Variants in TMEM63C observed in about 807,000 individuals in gnomAD.
The protein encoded by TMEM63C is transmembrane protein 63C.
In TMEM63C, 32 loss-of-function variants were observed where a neutral mutation model predicts 99.2. The ratio of observed to expected loss-of-function variants is 0.32; its 90% confidence interval spans 0.24 to 0.43. The LOEUF is 0.43. Ranked by LOEUF, TMEM63C falls within the 20% of genes least tolerant of loss-of-function variation. The probability of loss-of-function intolerance (pLI) is 1.00; values close to 1 mark genes in which losing one functional copy is unlikely to be tolerated. For synonymous variants in TMEM63C, 376 were observed against 397.9 expected, an observed-to-expected ratio of 0.94 and a Z score of 0.66; for missense variants, 826 against 1,053.0, an observed-to-expected ratio of 0.78 and a Z score of 2.98.
chr14:77,227,722 A>C (rs1468547386), intron 6 of TMEM63C, among the ~76,000 whole-genome samples: 1 of 152,142 alleles, frequency 6.6e-6, no homozygotes, highest in Non-Finnish European at 1.5e-5. Context: ...GCGACCCAGA[A>C]ACCTCTAGTG....
In TMEM63C at chr14:77,231,591, C is replaced by T. The variant is rs201147786; in HGVS notation, c.354C>T (p.Asp118=). 812 of 1,551,578 alleles carry T rather than the reference C, an allele frequency of 5.2e-4. 4 individuals carry two copies. In the African/African-American group the frequency reaches 8.1e-3, roughly 15 times the overall value. ...CTTGTCTGTGTGTCTCTTCCAGGGA[C>T]GAGGATCTGATTAACAAGTGTGGGG... ...SWFFNSITMK[D]EDLINKCGDD... Residue 118 remains aspartate, a synonymous_variant, in exon 7 of 24, where the codon GAC becomes GAT. Coordinates refer to ENST00000298351, the MANE Select transcript of TMEM63C (RefSeq NM_020431.4).
At chr14:77,246,807 G>T in intron 18 of TMEM63C, 133 bp downstream of exon 18, 1 of 671,302 alleles carries the variant, frequency 1.5e-6, no homozygotes, top group Admixed American at 2.6e-5. Context: ...CCCTCACTGG[G>T]CAGACTTGTT....
At chr14:77,255,815 C>T (rs553601618) in intron 23 of TMEM63C, among the ~76,000 whole-genome samples, 8 of 152,240 alleles carry the variant, frequency 5.3e-5, no homozygotes, top group Non-Finnish European at 8.8e-5. Context: ...CTTACTTTGG[C>T]ACCACGCAAA....
chr14:77,229,124 T>C (rs567992715), intron 6 of TMEM63C, among the ~76,000 whole-genome samples: 29 of 151,168 alleles, frequency 1.9e-4, no homozygotes, highest in African/African-American at 7.0e-4. Context: ...ATAAAGGAGG[T>C]TGGGCATGGT....
intron 15 of TMEM63C, 33 bp downstream of exon 15, chr14:77,243,089 C>T (rs776346702): frequency 6.2e-7 from 1 of 1,610,374 alleles, no homozygotes; most frequent in Non-Finnish European, 8.5e-7. Context: ...GCCTGGGGAC[C>T]CCAGGGAGAT....
At chr14:77,219,740 C>G (rs546425317) in intron 4 of TMEM63C, among the ~76,000 whole-genome samples, 163 bp downstream of exon 4, 1 of 152,348 alleles carries the variant, frequency 6.6e-6, no homozygotes, top group African/African-American at 2.4e-5. Context: ...ACTTGGAGGG[C>G]AGCCATCCCT....
chr14:77,242,299 C>G, intron 13 of TMEM63C, 48 bp from the exon 14 acceptor site: 1 of 1,540,140 alleles, frequency 6.5e-7, no homozygotes, highest in Non-Finnish European at 8.9e-7. Context: ...CTAAGCCCAT[C>G]CCCCCACCCC....
chr14:77,248,904 G>A, intron 20 of TMEM63C, 32 bp downstream of exon 20: 5 of 1,553,570 alleles, frequency 3.2e-6, no homozygotes, highest in Non-Finnish European at 4.4e-6. Flanking sequence ...CCCAAGGGCT[G>A]CACATCCGCA....
At chr14:77,223,783 T>C (rs1888768807) in intron 5 of TMEM63C, among the ~76,000 whole-genome samples, 1 of 152,138 alleles carries the variant, frequency 6.6e-6, no homozygotes, top group Non-Finnish European at 1.5e-5. Context: ...AGTATACACC[T>C]GTGCACCTGT....
At chr14:77,249,249 C>T (rs1889316897) in intron 20 of TMEM63C, 42 bp from the exon 21 acceptor site, 20 of 1,606,496 alleles carry the variant, frequency 1.2e-5, no homozygotes, top group Non-Finnish European at 1.7e-5. Flanking sequence ...AAGGTCCAGA[C>T]TTGAAGGGGC....
intron 3 of TMEM63C, 77 bp downstream of exon 3, chr14:77,219,040 G>C (rs1319322): frequency 0.7 from 967,693 of 1,379,620 alleles, 340,006 homozygotes; most frequent in Admixed American, 0.76. Flanking sequence ...TGCAGTGGGG[G>C]ACCCAGTTGT....
intron 23 of TMEM63C, among the ~76,000 whole-genome samples, chr14:77,255,797 C>T (rs1422433338): frequency 6.6e-6 from 1 of 152,228 alleles, no homozygotes; most frequent in East Asian, 1.9e-4. Flanking sequence ...AAAAGGTCAT[C>T]TAGATGGCTT....
chr14:77,183,707 A>G (rs144575449), intron 1 of TMEM63C, among the ~76,000 whole-genome samples: 1 of 152,216 alleles, frequency 6.6e-6, no homozygotes, highest in Non-Finnish European at 1.5e-5. Flanking sequence ...CCCTCTGAGC[A>G]CAGAACCCCT....
At chr14:77,184,708 A>T (rs935165660) in intron 1 of TMEM63C, among the ~76,000 whole-genome samples, 4 of 152,226 alleles carry the variant, frequency 2.6e-5, no homozygotes, top group Middle Eastern at 3.4e-3. Flanking sequence ...CTCTCGTGGG[A>T]GAGCAGTGGT....
intron 20 of TMEM63C, 141 bp from the exon 21 acceptor site, chr14:77,249,150 C>A: frequency 1.1e-6 from 1 of 874,848 alleles, no homozygotes; most frequent in Non-Finnish European, 1.8e-6. Context: ...AGGTCAGTAC[C>A]ACGGAGCTCC....
chr14:77,211,885 A>G (rs998910035), intron 1 of TMEM63C, among the ~76,000 whole-genome samples: 3 of 152,224 alleles, frequency 2.0e-5, no homozygotes, highest in Non-Finnish European at 4.4e-5. Flanking sequence ...CAGAATTCAC[A>G]TCATCTCCCA....
intron 1 of TMEM63C, among the ~76,000 whole-genome samples, chr14:77,182,708 C>T (rs1280877898): frequency 2.0e-5 from 3 of 152,134 alleles, no homozygotes; most frequent in African/African-American, 7.2e-5. Context: ...GCATGGGGCT[C>T]CAGGGTATCA....
Position 77,239,469 on chromosome 14 carries a change from C to G in TMEM63C, c.783C>G (p.Asn261Lys). ...TRVHFCYDVR[N>K]LIDLDDQRRH... Reference sequence around the variant, plus strand: ...TCCACTTCTGCTACGACGTCAGGAACCTGATCGACTTGGACGATCAGAGGT... The same window carrying G: ...TCCACTTCTGCTACGACGTCAGGAAGCTGATCGACTTGGACGATCAGAGGT... The change falls in exon 11 of 24, where the codon AAC becomes AAG. Residue 261 changes from asparagine to lysine, a missense_variant. Coordinates refer to ENST00000298351, the MANE Select transcript of TMEM63C (RefSeq NM_020431.4). 6.2e-7 allele frequency: 1 copy of G among 1,613,722 alleles called. No homozygotes were observed. The highest frequency in any genetic ancestry group is 8.5e-7 in the Non-Finnish European group (1 of 1,179,898).
intron 1 of TMEM63C, among the ~76,000 whole-genome samples, chr14:77,182,810 G>A (rs1313693895): frequency 1.3e-5 from 2 of 152,258 alleles, no homozygotes; most frequent in East Asian, 1.9e-4. Flanking sequence ...AGCGTGTGCT[G>A]TTCTTGTGGG....
Sources: allele counts gnomAD v4.1 joint callset (sites outside exome capture counted in the v4.1 genomes callset), GRCh38; gene constraint gnomAD v4.1.1; transcripts MANE v1.5; gene names NCBI Gene and HGNC (gene_info 2026-07-23, HGNC 2026-07-21).